The following AGL variants were observed in gnomAD, a reference collection of about 807,000 sequenced individuals.
The protein encoded by AGL is glycogen debranching enzyme.
A neutral mutation model predicts 199.3 loss-of-function variants in AGL; 128 were observed. That is an observed-to-expected ratio of 0.64 (90% CI 0.56 to 0.74). The LOEUF (loss-of-function observed/expected upper bound fraction) is 0.74. AGL is among the 30% of genes least tolerant of loss of function. AGL has a pLI of 0.00. For synonymous variants in AGL, 584 were observed against 594.7 expected, an observed-to-expected ratio of 0.98 and a Z score of 0.26; for missense variants, 1,809 against 1,820.8, an observed-to-expected ratio of 0.99 and a Z score of 0.12.
intron 5 of AGL, among the ~76,000 whole-genome samples, chr1:99,870,091 A>G (rs1650860424): frequency 6.6e-6 from 1 of 152,198 alleles, no homozygotes; most frequent in Non-Finnish European, 1.5e-5. Context: ...ACTTATCAAA[A>G]CAACGTATTT....
At chr1:99,857,100 G>T (rs1205005097) in intron 2 of AGL, among the ~76,000 whole-genome samples, 2 of 150,218 alleles carry the variant, frequency 1.3e-5, no homozygotes, top group East Asian at 3.9e-4. Flanking sequence ...CGGACGGGGC[G>T]GCTGGCCGGG....
chr1:99,858,332 A>G (rs898496185), intron 2 of AGL, among the ~76,000 whole-genome samples: 2 of 152,260 alleles, frequency 1.3e-5, no homozygotes, highest in African/African-American at 2.4e-5. Context: ...TGATGTAAAC[A>G]TGAGTGAGAA....
At chr1:99,914,468 T>C (rs1654965593) in intron 30 of AGL, among the ~76,000 whole-genome samples, 1 of 152,228 alleles carries the variant, frequency 6.6e-6, no homozygotes, top group Admixed American at 6.5e-5. Flanking sequence ...ATAGAGAAGG[T>C]ATGTGTTCTT....
In AGL at chr1:99,900,839, C is replaced by A; in HGVS notation, c.3566C>A (p.Ala1189Asp). 6.2e-7 allele frequency: 1 copy of A among 1,611,616 alleles called. No individual in the cohort carries two copies. The highest frequency in any genetic ancestry group is 8.5e-7 in the Non-Finnish European group (1 of 1,178,590). The change falls in exon 26 of 34, where the codon GCT becomes GAT. Residue 1189 changes from alanine (A) to aspartate (D), a missense_variant. Ala to Asp is a moderately radical substitution (Grantham distance 126). Coordinates refer to ENST00000361915, the MANE Select transcript of AGL (RefSeq NM_000642.3). ...VSRMYPTDDS[A>D]PLPAGTLDQP... ...AGAATGTATCCTACAGATGATTCTGCTCCTTTGCCTGCTGGCACACTGGTA... is the reference window on the plus strand; with the variant it reads ...AGAATGTATCCTACAGATGATTCTGATCCTTTGCCTGCTGGCACACTGGTA...
At chr1:99,884,854 T>C in intron 20 of AGL, 151 bp downstream of exon 20, 2 of 939,868 alleles carry the variant, frequency 2.1e-6, no homozygotes, top group Non-Finnish European at 3.3e-6. Context: ...TGTTAACATT[T>C]TACCCTATTG....
intron 2 of AGL, among the ~76,000 whole-genome samples, chr1:99,859,706 A>G (rs968669259): frequency 6.6e-6 from 1 of 152,034 alleles, no homozygotes; most frequent in African/African-American, 2.4e-5. Context: ...CACCACACCC[A>G]GCTATTTTTG....
chr1:99,907,815 A>G (rs775184396), intron 27 of AGL, among the ~76,000 whole-genome samples: 2 of 151,076 alleles, frequency 1.3e-5, no homozygotes, highest in Admixed American at 6.6e-5. Flanking sequence ...AGGCATACAT[A>G]TATCTTCTTT....
At position 99,905,015 on chromosome 1, in the gene AGL, T is replaced by C. The variant is rs542845863; in HGVS notation, c.3700+2221T>C. Among the ~76,000 whole-genome samples the C allele has an allele frequency of 2.1e-3, 318 of 152,344 alleles. 2 individuals carry two copies. Among genetic ancestry groups the C allele is most frequent in the African/African-American group, 6.9e-3 (287 of 41,586 alleles). On this transcript the variant is annotated intron_variant, in intron 27 of 33. Coordinates refer to ENST00000361915, the MANE Select transcript of AGL (RefSeq NM_000642.3). Reference sequence around the variant, plus strand: ...TGTCCAAGAATGGGATTGGTTCATATAGTAAGTATATGTTTTGTTTTAGAA... The same window carrying C: ...TGTCCAAGAATGGGATTGGTTCATACAGTAAGTATATGTTTTGTTTTAGAA...
At chr1:99,878,077 G>A (rs921584569) in intron 12 of AGL, among the ~76,000 whole-genome samples, 1 of 152,090 alleles carries the variant, frequency 6.6e-6, no homozygotes, top group African/African-American at 2.4e-5. Context: ...AGTTGATCAC[G>A]TTTCTGATAA....
rs760169396 is a variant in AGL, at chr1:99,864,549, G to C, written c.624G>C (p.Trp208Cys). The change falls in exon 5 of 34, where the codon TGG (tryptophan) becomes TGC (cysteine). Residue 208 changes from tryptophan (W) to cysteine (C), a missense_variant. Physicochemically the swap from Trp to Cys is radical, Grantham distance 215. Transcript: ENST00000361915. Reference protein sequence around the residue: ...GQLVEKLKKEWNVICITDVVY... With the variant: ...GQLVEKLKKECNVICITDVVY... The stretch of plus-strand genomic sequence containing the variant: ...TAGTGGAAAAATTAAAAAAGGAATG[G>C]AATGTTATTTGTATTACTGATGTTG... The C allele has an allele frequency of 1.9e-6, 3 of 1,613,802 alleles. No homozygotes were observed. The highest frequency in any genetic ancestry group is 2.2e-5 in the South Asian group (2 of 91,068).
chr1:99,862,470 A>T, intron 4 of AGL, 47 bp downstream of exon 4: 1 of 1,594,728 alleles, frequency 6.3e-7, no homozygotes. Context: ...AATAAATGTA[A>T]TTATCCTCTG....
intron 31 of AGL, 34 bp downstream of exon 31, chr1:99,915,520 A>G (rs776405687): frequency 2.7e-5 from 42 of 1,533,156 alleles, no homozygotes; most frequent in Non-Finnish European, 3.4e-5. Flanking sequence ...GAATGTTATC[A>G]TATTTAATCC....
intron 5 of AGL, among the ~76,000 whole-genome samples, chr1:99,869,248 T>C (rs1458500025): frequency 6.6e-6 from 1 of 152,218 alleles, no homozygotes; most frequent in African/African-American, 2.4e-5. Context: ...AACTACTTAA[T>C]GCAAGTTTTG....
chr1:99,910,149 G>A (rs1164763545), intron 27 of AGL, among the ~76,000 whole-genome samples: 3 of 152,094 alleles, frequency 2.0e-5, no homozygotes, highest in Non-Finnish European at 2.9e-5. Context: ...TGGATATATT[G>A]GGTAAGGGTG....
chr1:99,912,407 ATGGGTCTGC>A lies in AGL; in HGVS notation c.3842_3850del (p.Gly1281_Ala1283del). 1 of 1,613,390 alleles carries A rather than the reference ATGGGTCTGC, an allele frequency of 6.2e-7. No homozygotes were observed. Among genetic ancestry groups the A allele is most frequent in the Non-Finnish European group, 8.5e-7 (1 of 1,179,496 alleles). ...AAAAATACGTTTTTTAATTTTAGAG[ATGGGTCTGC>A]TGTGGAAATTGTGGGCCTGAGTAAA... On this transcript the variant is annotated inframe_deletion, in exon 29 of 34. Transcript: ENST00000361915.
Position 99,892,385 on chromosome 1 carries a change from A to G in AGL, c.3084-47A>G, listed in dbSNP as rs1197804674. The G allele has an allele frequency of 2.6e-6, 4 of 1,568,454 alleles. No homozygotes were observed. In the East Asian group the frequency reaches 9.0e-5, roughly 35 times the overall value. ...AGAAACCAAGTAAAATAAAACTGCT[A>G]AAAATTGTATTTCTACAAGTAATAA... is the stretch of plus-strand genomic sequence containing the variant. On this transcript the variant is annotated intron_variant, in intron 23 of 33. Transcript: ENST00000361915.
chr1:99,862,902 TTTC>T (rs1469649528), intron 4 of AGL, among the ~76,000 whole-genome samples: 2 of 152,108 alleles, frequency 1.3e-5, no homozygotes, highest in African/African-American at 4.8e-5. Context: ...TTTAATTTTG[TTTC>T]TTATTATTTA....
intron 12 of AGL, among the ~76,000 whole-genome samples, chr1:99,878,238 G>C (rs1379418986): frequency 6.6e-6 from 1 of 151,896 alleles, no homozygotes; most frequent in Non-Finnish European, 1.5e-5. Context: ...CCAGCTACTC[G>C]GGCGGCTGAG....
At chr1:99,901,288 G>A (rs1653816054) in intron 26 of AGL, among the ~76,000 whole-genome samples, 1 of 148,430 alleles carries the variant, frequency 6.7e-6, no homozygotes. Context: ...GCACACACCT[G>A]TAATCTCAGC....
Sources: allele counts gnomAD v4.1 joint callset (sites outside exome capture counted in the v4.1 genomes callset), GRCh38; gene constraint gnomAD v4.1.1; transcripts MANE v1.5; gene names NCBI Gene and HGNC (gene_info 2026-07-23, HGNC 2026-07-21).